Variants in MFSD11 observed in about 807,000 individuals in gnomAD.
MFSD11 encodes the protein major facilitator superfamily domain containing 11.
MFSD11 carries 36 observed loss-of-function variants against 53.5 expected under a neutral mutation model. That is an observed-to-expected ratio of 0.67 (90% CI 0.52 to 0.89). MFSD11 has a LOEUF of 0.89. MFSD11 is among the 40% of genes least tolerant of loss of function. The pLI, the probability that MFSD11 is intolerant of heterozygous loss-of-function variation, is 0.00. For synonymous variants in MFSD11, 186 were observed against 184.9 expected, an observed-to-expected ratio of 1.01 and a Z score of -0.05; for missense variants, 530 against 543.9, an observed-to-expected ratio of 0.97 and a Z score of 0.25.
chr17:76,775,577 G>A (rs950469611), intron 11 of MFSD11, among the ~76,000 whole-genome samples: 6 of 152,074 alleles, frequency 3.9e-5, no homozygotes, highest in African/African-American at 1.2e-4. Flanking sequence ...TGAGGATATC[G>A]GTTTAGTGCA....
chr17:76,736,792 C>T, upstream of MFSD11: 2 of 1,541,750 alleles, frequency 1.3e-6, no homozygotes, highest in Non-Finnish European at 1.7e-6. Context: ...CCCTCAGCCC[C>T]GTTTACCTGC....
At chr17:76,747,073 C>T (rs943426172) in intron 7 of MFSD11, among the ~76,000 whole-genome samples, 34 of 152,146 alleles carry the variant, frequency 2.2e-4, no homozygotes, top group African/African-American at 8.2e-4. Context: ...CCATGCCTGG[C>T]TAATTTCAAC....
chr17:76,792,801 G>A, the MFSD11 span, among the ~76,000 whole-genome samples: 4 of 151,446 alleles, frequency 2.6e-5, no homozygotes, highest in Non-Finnish European at 5.9e-5. Flanking sequence ...GCCCCCAATA[G>A]TCATGTAGGT....
At position 76,769,542 on chromosome 17, in the gene MFSD11, C is replaced by T. The variant is rs78751015; in HGVS notation, c.749-204C>T. 1.6e-4 allele frequency: 66 copies of T among 409,538 alleles called. No homozygotes were observed. The East Asian group carries it at 2.9e-3, about 18-fold the overall frequency. 25.4% of individuals were successfully genotyped at this position (409,538 alleles called of 1,614,324 possible). On this transcript the variant is annotated intron_variant, in intron 9 of 12. Coordinates refer to ENST00000685175, the MANE Select transcript of MFSD11 (RefSeq NM_001242532.5). ...TTTCAATATGTGAATCTGGGGAGGA[C>T]ACAAACATTTAGTCCATAGCATGAA...
the MFSD11 span, among the ~76,000 whole-genome samples, chr17:76,801,530 TC>T: frequency 6.7e-6 from 1 of 149,902 alleles, no homozygotes; most frequent in Non-Finnish European, 1.5e-5. Context: ...CACTGCAACT[TC>T]CGCCTCCCAG....
At chr17:76,777,200 G>A (rs183700201) in intron 12 of MFSD11, among the ~76,000 whole-genome samples, 207 of 151,932 alleles carry the variant, frequency 1.4e-3, no homozygotes, top group African/African-American at 4.5e-3. Flanking sequence ...CCCGGGAGGC[G>A]GAGCTTGCGG....
upstream of MFSD11, chr17:76,737,431 G>A (rs2077575540): frequency 1.4e-5 from 6 of 425,580 alleles, no homozygotes; most frequent in South Asian, 1.5e-4. Flanking sequence ...ACCGCGCCCC[G>A]CTTCGTAACG....
chr17:76,755,212 C>CA (rs758631412), intron 8 of MFSD11, among the ~76,000 whole-genome samples: 3,956 of 123,010 alleles, frequency 0.032, 162 homozygotes, highest in African/African-American at 0.1. Context: ...GAGACTGTCT[C>CA]AAAAAAAAAA....
the MFSD11 span, among the ~76,000 whole-genome samples, chr17:76,796,857 G>A: frequency 6.8e-6 from 1 of 147,194 alleles, no homozygotes; most frequent in Non-Finnish European, 1.5e-5. Flanking sequence ...GCACGAGCCT[G>A]TAGCCCCAGC....
chr17:76,781,988 A>ATTT (rs57536397), downstream of MFSD11, among the ~76,000 whole-genome samples: 1 of 137,404 alleles, frequency 7.3e-6, no homozygotes, highest in Non-Finnish European at 1.6e-5. Flanking sequence ...TGCCTGGATA[A>ATTT]TTTTTTTTTT....
At chr17:76,783,149 C>T (rs2145001382), downstream of MFSD11, among the ~76,000 whole-genome samples, 1 of 142,038 alleles carries the variant, frequency 7.0e-6, no homozygotes, top group Admixed American at 6.8e-5. Context: ...TGCACTCCAG[C>T]TCCAAAAAAA....
chr17:76,765,348 C>G (rs1223948082), intron 8 of MFSD11, among the ~76,000 whole-genome samples: 1 of 151,588 alleles, frequency 6.6e-6, no homozygotes, highest in Non-Finnish European at 1.5e-5. Flanking sequence ...TATGCCAGTA[C>G]CATGCTGTGT....
At chr17:76,759,659 G>A (rs2080001313) in intron 8 of MFSD11, among the ~76,000 whole-genome samples, 1 of 146,784 alleles carries the variant, frequency 6.8e-6, no homozygotes, top group African/African-American at 2.5e-5. Flanking sequence ...GGGTTTCACT[G>A]TGTTAACCAG....
chr17:76,752,442 G>T (rs1258228364), intron 7 of MFSD11, among the ~76,000 whole-genome samples: 1 of 151,400 alleles, frequency 6.6e-6, no homozygotes, highest in Non-Finnish European at 1.5e-5. Flanking sequence ...TGTTGCCCAG[G>T]CTGGAGTGAA....
chr17:76,785,365 C>T (rs1231020469), downstream of MFSD11, among the ~76,000 whole-genome samples: 1 of 152,240 alleles, frequency 6.6e-6, no homozygotes, highest in Non-Finnish European at 1.5e-5. Context: ...GAGGCAGGGT[C>T]TTGCTCTGTC....
At chr17:76,759,444 A>G (rs79257223) in intron 8 of MFSD11, among the ~76,000 whole-genome samples, 3,748 of 150,006 alleles carry the variant, frequency 0.025, 146 homozygotes, top group African/African-American at 0.086. Context: ...CACCACACCT[A>G]GCTAAATTTT....
In MFSD11 at chr17:76,741,075, T is replaced by A; in HGVS notation, c.260+11T>A. The stretch of plus-strand genomic sequence containing the variant: ...TGGTTTATTTTACAGGTAAGTAGTG[T>A]AATCTTGCACTTATTTAATCAGAAC... On this transcript the variant is annotated intron_variant, in intron 3 of 12. Transcript: ENST00000685175. 6.9e-7 allele frequency: 1 copy of A among 1,444,486 alleles called. No individual in the cohort carries two copies. Among genetic ancestry groups the A allele is most frequent in the African/African-American group, 1.4e-5 (1 of 71,480 alleles). The allele number at this position is 1,444,486 out of a possible 1,614,324, so 89.5% of individuals were successfully genotyped here. A position where few individuals can be genotyped will look rare whatever the true frequency, so the allele number is the denominator to read the frequency against.
In MFSD11 at chr17:76,738,563, C is replaced by T. The variant is rs2077728174; in HGVS notation, c.96+115C>T. 6.7e-5 allele frequency: 49 copies of T among 732,510 alleles called. No individual in the cohort carries two copies. In the South Asian group the frequency reaches 8.7e-4, roughly 13 times the overall value. The allele number at this position is 732,510 out of a possible 1,614,324, so 45.4% of individuals were successfully genotyped here. A position where few individuals can be genotyped will look rare whatever the true frequency, so the allele number is the denominator to read the frequency against. On this transcript the variant is annotated intron_variant, in intron 1 of 12. Coordinates refer to ENST00000685175, the MANE Select transcript of MFSD11 (RefSeq NM_001242532.5). ...GCTTTAATTGCATCTTTCATTTTTC[C>T]CACCCAGACTTCCTCATTTTTTATG...
chr17:76,786,561 A>G, the MFSD11 span, among the ~76,000 whole-genome samples: 2 of 152,212 alleles, frequency 1.3e-5, no homozygotes, highest in Non-Finnish European at 2.9e-5. Flanking sequence ...TCAGCAGAGC[A>G]TACAGGAATC....
Sources: allele counts gnomAD v4.1 joint callset (sites outside exome capture counted in the v4.1 genomes callset), GRCh38; gene constraint gnomAD v4.1.1; transcripts MANE v1.5; gene names NCBI Gene and HGNC (gene_info 2026-07-23, HGNC 2026-07-21).